The following ARHGEF7 variants were observed in gnomAD, a reference collection of about 807,000 sequenced individuals.
ARHGEF7 encodes PAK-interacting exchange factor beta.
In ARHGEF7, 33 loss-of-function variants were observed where a neutral mutation model predicts 109.8. The observed-to-expected ratio is 0.30, with a 90% CI of 0.23 to 0.40. The LOEUF (loss-of-function observed/expected upper bound fraction) is 0.40, where lower values mean the gene tolerates loss of function less well. Among genes scored for constraint, ARHGEF7 ranks in the 10% least tolerant of loss-of-function variants. The pLI, the probability that ARHGEF7 is intolerant of heterozygous loss-of-function variation, is 1.00. For synonymous variants in ARHGEF7, 458 were observed against 424.6 expected, an observed-to-expected ratio of 1.08 and a Z score of -0.97; for missense variants, 938 against 1,098.5, an observed-to-expected ratio of 0.85 and a Z score of 2.07.
chr13:111,302,676 G>C (rs1212419204), intron 21 of ARHGEF7, among the ~76,000 whole-genome samples: 1 of 152,198 alleles, frequency 6.6e-6, no homozygotes, highest in Admixed American at 6.5e-5. Context: ...TGGACAAAAA[G>C]GCTGGATAGG....
chr13:111,229,463 G>A (rs1305513333), intron 5 of ARHGEF7, among the ~76,000 whole-genome samples: 1 of 152,092 alleles, frequency 6.6e-6, no homozygotes, highest in Non-Finnish European at 1.5e-5. Context: ...CGCTTCAGAT[G>A]TTTTCAGTCT....
Position 111,217,720 on chromosome 13 carries a change from A to C in ARHGEF7, c.510A>C (p.Ala170=), listed in dbSNP as rs200899980. ...DNSNNQLVVR[A]KFNFQQTNED... is the part of the protein sequence containing the mutation. The stretch of plus-strand genomic sequence containing the variant: ...GCAACAATCAACTGGTAGTAAGAGC[A>C]AAGTTTAACTTCCAGCAGACCAATG... Residue 170 remains alanine (A), a synonymous_variant, in exon 5 of 22, where the codon GCA becomes GCC. Transcript: ENST00000646102. 6.2e-7 allele frequency: 1 copy of C among 1,614,136 alleles called. No individual in the cohort carries two copies. The highest frequency in any genetic ancestry group is 8.5e-7 in the Non-Finnish European group (1 of 1,180,054).
At chr13:111,160,097 A>G (rs1283654205) in intron 2 of ARHGEF7, among the ~76,000 whole-genome samples, 3 of 152,188 alleles carry the variant, frequency 2.0e-5, no homozygotes, top group Non-Finnish European at 2.9e-5. Context: ...CCAGCACCAT[A>G]TGTTGAAGAC....
chr13:111,173,486 A>G (rs970493040), intron 2 of ARHGEF7, among the ~76,000 whole-genome samples: 6 of 152,188 alleles, frequency 3.9e-5, no homozygotes, highest in Middle Eastern at 3.2e-3. Context: ...ACTTTGTGGC[A>G]TCAGTTGGAG....
At chr13:111,298,770 C>T (rs1041326379) in intron 19 of ARHGEF7, among the ~76,000 whole-genome samples, 1 of 152,206 alleles carries the variant, frequency 6.6e-6, no homozygotes, top group African/African-American at 2.4e-5. Context: ...CACTCCCTGA[C>T]AGTGTCAGGT....
Position 111,259,319 on chromosome 13 carries a change from T to C in ARHGEF7, c.951-8229T>C, listed in dbSNP as rs563163651. Among the ~76,000 whole-genome samples the C allele has an allele frequency of 2.6e-5, 4 of 152,258 alleles. No individual in the cohort carries two copies. The East Asian group carries it at 7.7e-4, about 29-fold the overall frequency. On this transcript the variant is annotated intron_variant, in intron 8 of 21. Coordinates refer to ENST00000646102, the MANE Select transcript of ARHGEF7 (RefSeq NM_001354046.2). ...TGGCTTCAGGTGTGAACCAGTGCAG[T>C]CCCAATGGTGGTGACTACAGGGGTA...
chr13:111,296,814 AG>A (rs1228058411), intron 19 of ARHGEF7, among the ~76,000 whole-genome samples: 1 of 152,332 alleles, frequency 6.6e-6, no homozygotes, highest in African/African-American at 2.4e-5. Flanking sequence ...TTCTCCGAGA[AG>A]TGTAGCCCAC....
At chr13:111,227,218 A>G (rs2085330338) in intron 5 of ARHGEF7, among the ~76,000 whole-genome samples, 1 of 152,262 alleles carries the variant, frequency 6.6e-6, no homozygotes, top group Non-Finnish European at 1.5e-5. Flanking sequence ...TAGTTGATAA[A>G]GTGGTAGCAG....
At position 111,146,920 on chromosome 13, in the gene ARHGEF7, A is replaced by G. The variant is rs79332064; in HGVS notation, c.166-6985A>G. On this transcript the variant is annotated intron_variant, in intron 1 of 21. Coordinates refer to ENST00000646102, the MANE Select transcript of ARHGEF7 (RefSeq NM_001354046.2). ...ATTAAGTACAAAAGGCATACTTTGA[A>G]GGAAAATTGTAATGATTCTGGGACT... Among the ~76,000 whole-genome samples, 283 of 152,348 alleles carry G rather than the reference A, an allele frequency of 1.9e-3. 1 individual carries two copies. The highest frequency in any genetic ancestry group is 6.3e-3 in the African/African-American group (263 of 41,580).
intron 1 of ARHGEF7, chr13:111,122,690 C>T (rs1015617832): frequency 6.6e-6 from 1 of 152,226 alleles, no homozygotes; most frequent in African/African-American, 2.4e-5. Flanking sequence ...CAATCACACG[C>T]ATGGAAGCGC....
chr13:111,193,879 G>A (rs560168686), intron 2 of ARHGEF7, among the ~76,000 whole-genome samples: 1 of 152,336 alleles, frequency 6.6e-6, no homozygotes, highest in South Asian at 2.1e-4. Flanking sequence ...GCCATCCTCT[G>A]GGAGAAAAGT....
chr13:111,169,958 T>C (rs1428470207), intron 2 of ARHGEF7, among the ~76,000 whole-genome samples: 1 of 152,172 alleles, frequency 6.6e-6, no homozygotes, highest in Non-Finnish European at 1.5e-5. Flanking sequence ...AGAGAGCACC[T>C]GAGTGCTGAC....
intron 15 of ARHGEF7, among the ~76,000 whole-genome samples, chr13:111,282,007 G>T (rs561872162): frequency 6.6e-6 from 1 of 152,178 alleles, no homozygotes; most frequent in East Asian, 1.9e-4. Flanking sequence ...CTGCTTTGAC[G>T]TTGTTGCTAG....
rs927981510 is a variant in ARHGEF7 at position 111,174,507 on chromosome 13, C to T, written c.252+20516C>T. On this transcript the variant is annotated intron_variant, in intron 2 of 21. Transcript: ENST00000646102. Reference sequence around the variant, plus strand: ...TTTCTTGCTCTTCCTTCACCTTTCTCGCAGTCTTGCTCTTGCATTTTATGA... The same window carrying T: ...TTTCTTGCTCTTCCTTCACCTTTCTTGCAGTCTTGCTCTTGCATTTTATGA... 3.4e-4 allele frequency among the ~76,000 whole-genome samples: 52 copies of T among 152,296 alleles called. 1 individual carries two copies. The highest frequency in any genetic ancestry group is 5.2e-4 in the Admixed American group (8 of 15,296).
At position 111,258,875 on chromosome 13, in the gene ARHGEF7, G is replaced by T. The variant is rs2090764913; in HGVS notation, c.951-8673G>T. On this transcript the variant is annotated intron_variant, in intron 8 of 21. Transcript: ENST00000646102. The surrounding 1 kb of genome is among the most constrained non-coding windows in gnomAD (Gnocchi z 4.4). ...CTCTGAAAGGAGAGTCTCAGGCCTG[G>T]TGGCATTCACCACAAACTGACTGAA... Among the ~76,000 whole-genome samples the T allele has an allele frequency of 6.6e-6, 1 of 151,950 alleles. No homozygotes were observed. The highest frequency in any genetic ancestry group is 1.5e-5 in the Non-Finnish European group (1 of 67,962).
intron 2 of ARHGEF7, among the ~76,000 whole-genome samples, chr13:111,155,107 C>T (rs200090094): frequency 2.2e-4 from 34 of 152,280 alleles, no homozygotes; most frequent in East Asian, 2.1e-3. Flanking sequence ...TTAATGTTTA[C>T]GGGACTATGC....
intron 1 of ARHGEF7, chr13:111,153,563 G>T: frequency 9.9e-7 from 1 of 1,014,492 alleles, no homozygotes; most frequent in Non-Finnish European, 1.2e-6. Flanking sequence ...GCAAAGCAGG[G>T]TGGGCTGCGT....
chr13:111,206,008 T>A (rs2081786861), intron 3 of ARHGEF7, among the ~76,000 whole-genome samples: 2 of 152,154 alleles, frequency 1.3e-5, no homozygotes, highest in African/African-American at 4.8e-5. Context: ...CCGGAGGAAA[T>A]GCTCCATGAG....
At chr13:111,302,907 C>G (rs537890181) in intron 21 of ARHGEF7, 84 bp from the exon 22 acceptor site, 6 of 1,540,950 alleles carry the variant, frequency 3.9e-6, no homozygotes, top group Non-Finnish European at 5.3e-6. Flanking sequence ...GAGGCCTTAG[C>G]TCCTCAAGGA....
Sources: allele counts gnomAD v4.1 joint callset (sites outside exome capture counted in the v4.1 genomes callset), GRCh38; gene constraint gnomAD v4.1.1; non-coding constraint Gnocchi (gnomAD v3.1); transcripts MANE v1.5; gene names NCBI Gene and HGNC (gene_info 2026-07-23, HGNC 2026-07-21).